LPP: variants seen among roughly 807,000 people sequenced by gnomAD.
LPP encodes LIM domain containing preferred translocation partner in lipoma.
In LPP, 38 loss-of-function variants were observed where a neutral mutation model predicts 60.4. The observed-to-expected ratio is 0.63, with a 90% CI of 0.49 to 0.83. LPP has a LOEUF of 0.83. Among genes scored for constraint, LPP ranks in the 40% least tolerant of loss-of-function variants. The pLI is 0.00. For missense variants in LPP, 902 were observed against 783.6 expected (o/e 1.15, Z -1.80); for synonymous variants, 328 against 290.8 (o/e 1.13, Z -1.30).
chr3:188,828,232 A>G (rs1475191643), intron 9 of LPP, among the ~76,000 whole-genome samples: 2 of 152,196 alleles, frequency 1.3e-5, no homozygotes, highest in African/African-American at 2.4e-5. Flanking sequence ...TGGGAGAGAA[A>G]TAAGCTGGGA....
intron 9 of LPP, among the ~76,000 whole-genome samples, chr3:188,825,149 CAATG>C (rs777891679): frequency 6.6e-5 from 10 of 152,042 alleles, no homozygotes; most frequent in Non-Finnish European, 1.5e-4. Context: ...TGAATATCAT[CAATG>C]ATTGTTTTTA....
intron 4 of LPP, among the ~76,000 whole-genome samples, chr3:188,462,234 T>G (rs774254728): frequency 6.6e-6 from 1 of 151,056 alleles, no homozygotes; most frequent in Non-Finnish European, 1.5e-5. Context: ...AAATAGACAT[T>G]ATTATTATTA....
chr3:188,406,809 A>G (rs531139495), intron 4 of LPP, among the ~76,000 whole-genome samples: 5 of 152,328 alleles, frequency 3.3e-5, no homozygotes, highest in Admixed American at 2.6e-4. Flanking sequence ...TAAGTTGTCT[A>G]GAGTGTTCTG....
intron 5 of LPP, among the ~76,000 whole-genome samples, chr3:188,517,280 T>C (rs1389186687): frequency 6.6e-6 from 1 of 152,228 alleles, no homozygotes; most frequent in Non-Finnish European, 1.5e-5. Flanking sequence ...AGGGATACTT[T>C]GAGGAAATTA....
At chr3:188,301,514 A>G (rs1577959802) in intron 2 of LPP, among the ~76,000 whole-genome samples, 2 of 152,356 alleles carry the variant, frequency 1.3e-5, no homozygotes, top group Middle Eastern at 6.8e-3. Context: ...TTGCCAGGAC[A>G]TAGAATGAAG....
At chr3:188,699,777 T>C (rs778523276) in intron 7 of LPP, among the ~76,000 whole-genome samples, 1 of 152,158 alleles carries the variant, frequency 6.6e-6, no homozygotes, top group African/African-American at 2.4e-5. Context: ...GCTTTTAACC[T>C]GAAACAGAAG....
At chr3:188,781,753 A>G (rs1240924600) in intron 9 of LPP, among the ~76,000 whole-genome samples, 16 of 151,530 alleles carry the variant, frequency 1.1e-4, no homozygotes, top group East Asian at 1.9e-4. Context: ...TTAGCCGGAC[A>G]TGGTGGCGGG....
chr3:188,693,519 A>G (rs930876242), intron 7 of LPP, among the ~76,000 whole-genome samples: 1 of 152,294 alleles, frequency 6.6e-6, no homozygotes, highest in Non-Finnish European at 1.5e-5. Context: ...GGCAAGATAG[A>G]GGCCAGCTTG....
At chr3:188,807,224 T>A (rs1232891909) in intron 9 of LPP, among the ~76,000 whole-genome samples, 1 of 152,052 alleles carries the variant, frequency 6.6e-6, no homozygotes, top group Non-Finnish European at 1.5e-5. Flanking sequence ...TTGCTTTCAA[T>A]GCAGTATGAA....
chr3:188,868,788 A>C (rs573108620), intron 10 of LPP, among the ~76,000 whole-genome samples: 27 of 152,352 alleles, frequency 1.8e-4, no homozygotes, highest in African/African-American at 6.0e-4. Flanking sequence ...GGACCTTTAG[A>C]AAATGCATGT....
intron 4 of LPP, among the ~76,000 whole-genome samples, chr3:188,450,101 C>A (rs551486875): frequency 2.0e-5 from 3 of 152,130 alleles, no homozygotes; most frequent in South Asian, 2.1e-4. Context: ...CCACGCCCAA[C>A]CTGTATTATG....
At chr3:188,247,329 CA>C (rs1727339018) in intron 2 of LPP, 1 of 190,348 alleles carries the variant, frequency 5.3e-6, no homozygotes, top group Non-Finnish European at 9.6e-6. Flanking sequence ...GGTAGGAGAG[CA>C]ATACCTTTGA....
At chr3:188,581,786 ACT>A (rs1334504790) in intron 6 of LPP, among the ~76,000 whole-genome samples, 1 of 151,712 alleles carries the variant, frequency 6.6e-6, no homozygotes, top group Non-Finnish European at 1.5e-5. Flanking sequence ...TTCTTCCAGC[ACT>A]CTCTCTCATT....
In LPP at chr3:188,245,655, CTTTTT is replaced by C. The variant is rs371005938; in HGVS notation, c.-67+20136_-67+20140del. ...TGCTTCCCTCTTTTCTAACCCCACA[CTTTTT>C]TTTTTTTAAGATCAAAATAACGTTG... On this transcript the variant is annotated intron_variant, in intron 2 of 11. Transcript: ENST00000617246. 2.0e-4 allele frequency among the ~76,000 whole-genome samples: 30 copies of C among 147,114 alleles called. 1 individual carries two copies. Among genetic ancestry groups the C allele is most frequent in the Non-Finnish European group, 3.8e-4 (25 of 66,292 alleles).
At chr3:188,592,553 T>TTTTTTTTTTTG (rs1553936328) in intron 6 of LPP, among the ~76,000 whole-genome samples, 3,744 of 120,564 alleles carry the variant, frequency 0.031, 313 homozygotes, top group African/African-American at 0.049. Context: ...TTAGTTTTGT[T>TTTTTTTTTTTG]TTTGTTTTTT....
chr3:188,266,597 T>A (rs914573263), intron 2 of LPP, among the ~76,000 whole-genome samples: 1 of 152,122 alleles, frequency 6.6e-6, no homozygotes, highest in Non-Finnish European at 1.5e-5. Flanking sequence ...TCTTATTATG[T>A]ACATAACTTT....
intron 6 of LPP, among the ~76,000 whole-genome samples, chr3:188,543,801 T>G (rs1825832219): frequency 6.6e-6 from 1 of 152,194 alleles, no homozygotes; most frequent in African/African-American, 2.4e-5. Context: ...TAGCCCACAC[T>G]AAGAAAGATG....
chr3:188,375,315 C>T (rs182400419), intron 3 of LPP, among the ~76,000 whole-genome samples: 13 of 152,226 alleles, frequency 8.5e-5, no homozygotes, highest in South Asian at 2.1e-4. Context: ...TGGTAGAATT[C>T]GGCTGTGAAT....
At chr3:188,477,906 A>G (rs774442449) in intron 4 of LPP, among the ~76,000 whole-genome samples, 1 of 152,152 alleles carries the variant, frequency 6.6e-6, no homozygotes, top group African/African-American at 2.4e-5. Context: ...TGAATGCTGC[A>G]TTTAAAAATA....
Sources: allele counts gnomAD v4.1 joint callset (sites outside exome capture counted in the v4.1 genomes callset), GRCh38; gene constraint gnomAD v4.1.1; transcripts MANE v1.5; gene names NCBI Gene and HGNC (gene_info 2026-07-23, HGNC 2026-07-21).